CHST8: variants seen among roughly 807,000 people sequenced by gnomAD.
CHST8 encodes GALNAC-4-ST1.
Under a neutral mutation model 15.0 loss-of-function variants are expected in CHST8, and 10 were observed. That is an observed-to-expected ratio of 0.67 (90% CI 0.41 to 1.13). The LOEUF (loss-of-function observed/expected upper bound fraction) is 1.13, where lower values mean the gene tolerates loss of function less well. Among genes scored for constraint, CHST8 ranks in the 50% most tolerant of loss-of-function variants. The pLI, the probability that CHST8 is intolerant of heterozygous loss-of-function variation, is 0.00. For missense variants in CHST8, 634 were observed against 608.2 expected, an observed-to-expected ratio of 1.04 and a Z score of -0.45; for synonymous variants, 259 against 256.6, an observed-to-expected ratio of 1.01 and a Z score of -0.09.
intron 1 of CHST8, among the ~76,000 whole-genome samples, chr19:33,623,227 G>C (rs1972009066): frequency 6.6e-6 from 1 of 152,224 alleles, no homozygotes. Flanking sequence ...CTCGGCTGTG[G>C]GCGCTGCTGC....
intron 3 of CHST8, among the ~76,000 whole-genome samples, chr19:33,757,516 A>AAGAAAG (rs1974608985): frequency 4.6e-5 from 2 of 43,424 alleles, no homozygotes; most frequent in African/African-American, 9.9e-5. Flanking sequence ...GAAAGAAAGA[A>AAGAAAG]AGAAAGAGAA....
At chr19:33,710,026 T>G (rs1358997964) in intron 3 of CHST8, among the ~76,000 whole-genome samples, 2 of 152,198 alleles carry the variant, frequency 1.3e-5, no homozygotes, top group Non-Finnish European at 2.9e-5. Flanking sequence ...ATAGTTCTAT[T>G]CAGGTTTTCT....
At chr19:33,757,580 GAAAGAAA>G (rs1974624128) in intron 3 of CHST8, among the ~76,000 whole-genome samples, 5 of 141,666 alleles carry the variant, frequency 3.5e-5, no homozygotes, top group Admixed American at 1.4e-4. Context: ...AAGAAAGAAA[GAAAGAAA>G]GAAAGAAAGA....
intron 2 of CHST8, among the ~76,000 whole-genome samples, chr19:33,676,515 A>G (rs947589480): frequency 2.6e-5 from 4 of 152,082 alleles, no homozygotes; most frequent in Non-Finnish European, 4.4e-5. Flanking sequence ...GGTTGCAGTG[A>G]GCCAAGGTCG....
At chr19:33,669,344 G>A (rs1256628922) in intron 2 of CHST8, among the ~76,000 whole-genome samples, 2 of 152,150 alleles carry the variant, frequency 1.3e-5, no homozygotes, top group Non-Finnish European at 2.9e-5. Flanking sequence ...AATGATACTT[G>A]CAGCTCATAT....
intron 3 of CHST8, among the ~76,000 whole-genome samples, chr19:33,716,976 C>G (rs1247095966): frequency 3.3e-5 from 5 of 152,116 alleles, no homozygotes; most frequent in African/African-American, 1.2e-4. Context: ...AGAATTTCCT[C>G]TTTATAAGGA....
At chr19:33,678,966 C>G (rs907894015) in intron 2 of CHST8, among the ~76,000 whole-genome samples, 1 of 152,200 alleles carries the variant, frequency 6.6e-6, no homozygotes, top group Non-Finnish European at 1.5e-5. Context: ...GCCCAAGCAC[C>G]TGCTCTGTGC....
chr19:33,646,406 G>A (rs1317912864), intron 1 of CHST8, among the ~76,000 whole-genome samples: 1 of 152,156 alleles, frequency 6.6e-6, no homozygotes, highest in East Asian at 1.9e-4. Flanking sequence ...TGGTTCAGGT[G>A]GCACCAGCTG....
At chr19:33,687,908 C>G (rs1973013609) in intron 2 of CHST8, among the ~76,000 whole-genome samples, 1 of 152,168 alleles carries the variant, frequency 6.6e-6, no homozygotes, top group Non-Finnish European at 1.5e-5. Context: ...GCATATTTGA[C>G]CTGGGGCTTA....
In CHST8 at chr19:33,622,197, G is replaced by T. The variant is rs1156316771; in HGVS notation, c.-263G>T. 1 of 151,784 alleles carries T rather than the reference G, an allele frequency of 6.6e-6. No homozygotes were observed. The highest frequency in any genetic ancestry group is 2.1e-4 in the South Asian group (1 of 4,820). The allele number at this position is 151,784 out of a possible 1,614,324, so 9.4% of individuals were successfully genotyped here. Reference sequence around the variant, plus strand: ...GCACCGGGCCCGAGCTGGGTCGGAGGTCCTCTCCGCCGCCTGCGCGCCCCA... The same window carrying T: ...GCACCGGGCCCGAGCTGGGTCGGAGTTCCTCTCCGCCGCCTGCGCGCCCCA... On this transcript the variant is annotated 5_prime_UTR_variant, in exon 1 of 5. Transcript: ENST00000650847.
intron 1 of CHST8, among the ~76,000 whole-genome samples, chr19:33,646,127 CA>C (rs55998520): frequency 0.99 from 150,230 of 151,366 alleles, 74,557 homozygotes; most frequent in East Asian, 1. Flanking sequence ...GACTCTGTCT[CA>C]AAAAAAAACA....
intron 1 of CHST8, among the ~76,000 whole-genome samples, chr19:33,628,951 G>C (rs1203748012): frequency 6.6e-6 from 1 of 152,162 alleles, no homozygotes; most frequent in Non-Finnish European, 1.5e-5. Context: ...GGACTGGGTG[G>C]CCAGGCTGCT....
At chr19:33,720,297 CCA>C (rs758037697) in intron 3 of CHST8, among the ~76,000 whole-genome samples, 22 of 151,482 alleles carry the variant, frequency 1.5e-4, no homozygotes, top group Middle Eastern at 3.4e-3. Flanking sequence ...ATACACACTC[CCA>C]CACACACATC....
At chr19:33,719,026 C>T (rs1435556191) in intron 3 of CHST8, among the ~76,000 whole-genome samples, 1 of 152,108 alleles carries the variant, frequency 6.6e-6, no homozygotes, top group African/African-American at 2.4e-5. Context: ...CACCCGAGAC[C>T]TGGGCTCCCG....
chr19:33,638,312 C>T (rs1207665520), intron 1 of CHST8, among the ~76,000 whole-genome samples: 1 of 152,148 alleles, frequency 6.6e-6, no homozygotes, highest in Non-Finnish European at 1.5e-5. Context: ...GTGTTAATTA[C>T]CCAAGCTTAA....
At chr19:33,762,296 TGGGTAG>T (rs1353323461) in intron 3 of CHST8, among the ~76,000 whole-genome samples, 2 of 151,864 alleles carry the variant, frequency 1.3e-5, no homozygotes, top group African/African-American at 2.4e-5. Flanking sequence ...GATGGGCAGG[TGGGTAG>T]ATGTGGCGCA....
intron 3 of CHST8, among the ~76,000 whole-genome samples, chr19:33,734,365 C>T (rs1436657408): frequency 2.0e-5 from 3 of 152,170 alleles, no homozygotes; most frequent in African/African-American, 4.8e-5. Flanking sequence ...ATGGAATAGC[C>T]ATTCTTCATT....
At chr19:33,688,805 G>T (rs114395189) in intron 2 of CHST8, among the ~76,000 whole-genome samples, 1 of 152,162 alleles carries the variant, frequency 6.6e-6, no homozygotes. Flanking sequence ...CAGTACCTAG[G>T]CCCCCGCCCT....
chr19:33,746,531 GT>G (rs1339157995), intron 3 of CHST8, among the ~76,000 whole-genome samples: 1 of 152,220 alleles, frequency 6.6e-6, no homozygotes, highest in East Asian at 1.9e-4. Flanking sequence ...AGTAGTTGGT[GT>G]TTTTCTTACA....
Sources: gnomAD v4.1 joint callset for allele counts (sites outside exome capture counted in the v4.1 genomes callset) on GRCh38, gnomAD v4.1.1 for gene constraint, MANE v1.5 for transcripts, NCBI Gene and HGNC (gene_info 2026-07-23, HGNC 2026-07-21) for gene names.